Variants in SHANK2 observed in about 807,000 individuals in gnomAD.
SHANK2 encodes SH3 and multiple ankyrin repeat domains 2, also known as SH3 and multiple ankyrin repeat domains protein 2.
In SHANK2, 43 loss-of-function variants were observed where a neutral mutation model predicts 133.7. That is an observed-to-expected ratio of 0.32 (90% CI 0.25 to 0.41). The LOEUF (loss-of-function observed/expected upper bound fraction) is 0.41. SHANK2 is among the 10% of genes least tolerant of loss of function. The pLI, the probability that SHANK2 is intolerant of heterozygous loss-of-function variation, is 1.00. For missense variants in SHANK2, 1,994 were observed against 2,235.8 expected, an observed-to-expected ratio of 0.89 and a Z score of 2.18; for synonymous variants, 1,017 against 952.8, an observed-to-expected ratio of 1.07 and a Z score of -1.24.
At chr11:70,891,070 T>A (rs1261626979) in intron 11 of SHANK2, among the ~76,000 whole-genome samples, 6 of 152,118 alleles carry the variant, frequency 3.9e-5, no homozygotes, top group African/African-American at 1.4e-4. Flanking sequence ...GTACCTGACA[T>A]GTGCAAGTAC....
intron 10 of SHANK2, among the ~76,000 whole-genome samples, chr11:70,944,214 G>A (rs1950687475): frequency 6.6e-6 from 1 of 152,220 alleles, no homozygotes; most frequent in African/African-American, 2.4e-5. Flanking sequence ...GTCTATTCCT[G>A]TAAGGTGGAA....
chr11:70,507,306 G>T (rs2135857587), intron 17 of SHANK2, among the ~76,000 whole-genome samples: 1 of 152,346 alleles, frequency 6.6e-6, no homozygotes, highest in South Asian at 2.1e-4. Flanking sequence ...ATTTTGGGAA[G>T]GGACAGATTG....
intron 3 of SHANK2, among the ~76,000 whole-genome samples, chr11:71,141,284 G>T (rs1952549067): frequency 6.6e-6 from 1 of 152,040 alleles, no homozygotes; most frequent in Non-Finnish European, 1.5e-5. Context: ...CCTGAGGTCA[G>T]GCGTTCGAGA....
chr11:70,529,708 C>T (rs1479345950), intron 17 of SHANK2, among the ~76,000 whole-genome samples: 1 of 152,172 alleles, frequency 6.6e-6, no homozygotes, highest in Admixed American at 6.5e-5. Context: ...CCCTCCCCCT[C>T]CCACTGGTAA....
chr11:70,827,250 C>T (rs1291765252), intron 11 of SHANK2, among the ~76,000 whole-genome samples: 3 of 129,384 alleles, frequency 2.3e-5, no homozygotes, highest in South Asian at 2.7e-4. Flanking sequence ...CAGGACTCCA[C>T]CCCCTCCTAC....
intron 17 of SHANK2, among the ~76,000 whole-genome samples, chr11:70,572,125 T>A (rs2060052946): frequency 6.6e-6 from 1 of 152,246 alleles, no homozygotes; most frequent in Non-Finnish European, 1.5e-5. Flanking sequence ...CGGCATCCTA[T>A]TCTCAGGCTT....
intron 6 of SHANK2, among the ~76,000 whole-genome samples, chr11:71,109,164 G>A (rs957197623): frequency 6.6e-6 from 1 of 152,134 alleles, no homozygotes; most frequent in African/African-American, 2.4e-5. Flanking sequence ...GCCCACCTGA[G>A]GGGGCATACT....
intron 17 of SHANK2, among the ~76,000 whole-genome samples, chr11:70,564,114 A>T (rs1565133682): frequency 6.6e-6 from 1 of 151,722 alleles, no homozygotes; most frequent in African/African-American, 2.4e-5. Context: ...TTTGAATCCT[A>T]TGTGCCTGGG....
chr11:70,644,845 C>T (rs2061238751), intron 17 of SHANK2, among the ~76,000 whole-genome samples: 1 of 152,208 alleles, frequency 6.6e-6, no homozygotes, highest in South Asian at 2.1e-4. Flanking sequence ...GTGCCTCAGA[C>T]AAACACGTGG....
chr11:70,865,581 A>AGGGTG (rs1416526937), intron 11 of SHANK2, among the ~76,000 whole-genome samples: 2 of 151,924 alleles, frequency 1.3e-5, no homozygotes, highest in African/African-American at 4.8e-5. Flanking sequence ...GGTGTGCCTC[A>AGGGTG]GGGTGGGGTG....
intron 17 of SHANK2, among the ~76,000 whole-genome samples, chr11:70,546,788 C>G (rs2059701742): frequency 6.6e-6 from 1 of 152,172 alleles, no homozygotes; most frequent in African/African-American, 2.4e-5. Context: ...CTCTGGGTGT[C>G]TCCAGCGTGT....
At chr11:71,164,504 A>G (rs1590976540) in intron 2 of SHANK2, among the ~76,000 whole-genome samples, 1 of 151,868 alleles carries the variant, frequency 6.6e-6, no homozygotes, top group African/African-American at 2.4e-5. Context: ...CACCTAAGAC[A>G]CCTCCAATTC....
intron 17 of SHANK2, among the ~76,000 whole-genome samples, chr11:70,629,556 C>T (rs969187694): frequency 5.9e-5 from 9 of 152,024 alleles, no homozygotes; most frequent in Non-Finnish European, 1.2e-4. Flanking sequence ...GGAAGGGCAG[C>T]GGGATGAGCT....
intron 8 of SHANK2, among the ~76,000 whole-genome samples, chr11:71,090,540 CTG>C (rs1200226260): frequency 5.7e-4 from 2 of 3,520 alleles, no homozygotes; most frequent in Non-Finnish European, 1.3e-3. Context: ...AACACAACCT[CTG>C]TGTGTGTGTG....
chr11:70,570,538 C>T (rs1554982857), intron 17 of SHANK2: 1 of 152,334 alleles, frequency 6.6e-6, no homozygotes, highest in African/African-American at 2.4e-5. Context: ...TGAACTCCTC[C>T]TTTGGACAGG....
At chr11:71,247,731 C>G (rs992382754) in intron 1 of SHANK2, among the ~76,000 whole-genome samples, 1 of 152,182 alleles carries the variant, frequency 6.6e-6, no homozygotes, top group Non-Finnish European at 1.5e-5. Context: ...GAGCCAGGAG[C>G]CCTTCTGCAT....
At chr11:70,723,030 T>A (rs1259136032) in intron 14 of SHANK2, among the ~76,000 whole-genome samples, 1 of 152,212 alleles carries the variant, frequency 6.6e-6, no homozygotes, top group Non-Finnish European at 1.5e-5. Flanking sequence ...TTTATGGGAC[T>A]TTTTTACAAA....
intron 2 of SHANK2, among the ~76,000 whole-genome samples, chr11:71,215,295 C>T (rs1282612547): frequency 6.6e-6 from 1 of 152,186 alleles, no homozygotes; most frequent in Non-Finnish European, 1.5e-5. Context: ...CATCTGGTCC[C>T]CCTGCCCCCT....
intron 14 of SHANK2, among the ~76,000 whole-genome samples, chr11:70,715,020 G>A (rs1193978625): frequency 6.6e-6 from 1 of 151,496 alleles, no homozygotes; most frequent in African/African-American, 2.4e-5. Context: ...GCCCAGGCTG[G>A]TCTTGAACTC....
Sources: allele counts gnomAD v4.1 joint callset (sites outside exome capture counted in the v4.1 genomes callset), GRCh38; gene constraint gnomAD v4.1.1; transcripts MANE v1.5; gene names NCBI Gene and HGNC (gene_info 2026-07-23, HGNC 2026-07-21).